Variants in CREB3L3 observed in about 807,000 individuals in gnomAD.
CREB3L3 encodes cyclic AMP-responsive element-binding protein 3-like protein 3.
A neutral mutation model predicts 44.6 loss-of-function variants in CREB3L3; 40 were observed. That is an observed-to-expected ratio of 0.90 (90% confidence interval 0.70 to 1.17). The LOEUF (loss-of-function observed/expected upper bound fraction) is 1.17, where lower values mean the gene tolerates loss of function less well. Ranked by LOEUF, CREB3L3 falls within the 50% of genes most tolerant of loss-of-function variation. The pLI is 0.00. For missense variants in CREB3L3, 578 were observed against 595.8 expected, an observed-to-expected ratio of 0.97 and a Z score of 0.31; for synonymous variants, 273 against 256.3, an observed-to-expected ratio of 1.06 and a Z score of -0.62.
At chr19:4,156,674 G>A (rs916502095) in intron 2 of CREB3L3, among the ~76,000 whole-genome samples, 8 of 150,958 alleles carry the variant, frequency 5.3e-5, no homozygotes, top group Non-Finnish European at 8.8e-5. Context: ...GCTACTTTTT[G>A]TATTTTTAGA....
intron 6 of CREB3L3, 32 bp downstream of exon 6, chr19:4,168,489 G>A (rs760385524): frequency 7.2e-6 from 11 of 1,534,982 alleles, no homozygotes; most frequent in East Asian, 4.6e-5. Flanking sequence ...CTCTACACTC[G>A]TGGAGGAAAC....
At position 4,153,675 on chromosome 19, in the gene CREB3L3, G is replaced by A. The variant is rs1339687752; in HGVS notation, c.-73G>A. 3.1e-6 allele frequency: 5 copies of A among 1,589,782 alleles called. No individual in the cohort carries two copies. Among genetic ancestry groups the A allele is most frequent in the South Asian group, 1.1e-5 (1 of 90,020 alleles). On this transcript the variant is annotated 5_prime_UTR_variant, in exon 1 of 10. Coordinates refer to ENST00000078445, the MANE Select transcript of CREB3L3 (RefSeq NM_032607.3). ...GTGAGCTTGCCCGGCCCCAGGTAAC[G>A]CTGGCGGTGGGTGGGCCTCCAGCTT... is the stretch of plus-strand genomic sequence containing the variant.
intron 3 of CREB3L3, among the ~76,000 whole-genome samples, chr19:4,159,373 A>G (rs1168578403): frequency 6.6e-6 from 1 of 151,788 alleles, no homozygotes; most frequent in Non-Finnish European, 1.5e-5. Flanking sequence ...CTGGTCTTGA[A>G]CTCCTAACCT....
Position 4,157,278 on chromosome 19 carries a change from C to G in CREB3L3, c.440C>G (p.Ser147Cys). 1 of 1,614,174 alleles carries G rather than the reference C, an allele frequency of 6.2e-7. No individual in the cohort carries two copies. Among genetic ancestry groups the G allele is most frequent in the African/African-American group, 1.3e-5 (1 of 75,068 alleles). Reference protein sequence around the residue: ...PGPVIQVPEASVTIDLEMWSP... With the variant: ...PGPVIQVPEACVTIDLEMWSP... ...CCAGTGATCCAAGTACCTGAAGCCTCTGTGACCATAGACCTGGGTGAGTCC... is the reference window on the plus strand; with the variant it reads ...CCAGTGATCCAAGTACCTGAAGCCTGTGTGACCATAGACCTGGGTGAGTCC... The change falls in exon 3 of 10, where the codon TCT becomes TGT. Residue 147 changes from serine (S) to cysteine (C), a missense_variant. Coordinates refer to ENST00000078445, the MANE Select transcript of CREB3L3 (RefSeq NM_032607.3).
intron 4 of CREB3L3, among the ~76,000 whole-genome samples, chr19:4,160,230 A>G (rs949865871): frequency 6.6e-6 from 1 of 151,776 alleles, no homozygotes; most frequent in Non-Finnish European, 1.5e-5. Flanking sequence ...CAGGAGGTCA[A>G]GGCTGCAGTG....
Position 4,172,334 on chromosome 19 carries a change from C to G in CREB3L3, c.*365C>G. ...ACCCAGACAAACAGACAGACAGACA[C>G]AGCCTGAAACAGACCCAGACAGACA... On this transcript the variant is annotated 3_prime_UTR_variant, in exon 10 of 10. Coordinates refer to ENST00000078445, the MANE Select transcript of CREB3L3 (RefSeq NM_032607.3). 7.1e-6 allele frequency: 3 copies of G among 420,956 alleles called. No individual in the cohort carries two copies. Among genetic ancestry groups the G allele is most frequent in the South Asian group, 7.0e-5 (3 of 42,630 alleles). The allele number at this position is 420,956 out of a possible 1,614,324, so 26.1% of individuals were successfully genotyped here. A position where few individuals can be genotyped will look rare whatever the true frequency, so the allele number is the denominator to read the frequency against.
chr19:4,153,877 A>T, intron 1 of CREB3L3, 103 bp downstream of exon 1: 1 of 1,296,524 alleles, frequency 7.7e-7, no homozygotes, highest in Non-Finnish European at 1.1e-6. Context: ...TATTGTACAG[A>T]TGGGAAGACT....
In CREB3L3 at chr19:4,171,584, T is replaced by C. The variant is rs953462053; in HGVS notation, c.1073-72T>C. 12 of 1,599,360 alleles carry C rather than the reference T, an allele frequency of 7.5e-6. No individual in the cohort carries two copies. Among genetic ancestry groups the C allele is most frequent in the African/African-American group, 1.3e-5 (1 of 74,710 alleles). On this transcript the variant is annotated intron_variant, in intron 9 of 9. Transcript: ENST00000078445. The surrounding 1 kb of genome is among the most constrained non-coding windows in gnomAD (Gnocchi z 4.9). ...CCCCTGTGCCCTTGTTCCCTGAGGC[T>C]GGGGGCCAGGGAAGGGAGCATAGGA...
rs747891252 is a variant in CREB3L3 at position 4,157,341 on chromosome 19, G to C, written c.457+46G>C. On this transcript the variant is annotated intron_variant, in intron 3 of 9. Transcript: ENST00000078445. The stretch of plus-strand genomic sequence containing the variant: ...GCCCACCGCCCTCACCTTGTTCCAG[G>C]GCCCTTCCTGTAAGTGAGGAAATGG... 4 of 1,602,894 alleles carry C rather than the reference G, an allele frequency of 2.5e-6. No individual in the cohort carries two copies. The South Asian group carries it at 4.4e-5, about 18-fold the overall frequency.
At chr19:4,168,558 T>G in intron 6 of CREB3L3, 101 bp downstream of exon 6, 1 of 868,946 alleles carries the variant, frequency 1.2e-6, no homozygotes. Context: ...CTGACAAAAT[T>G]GGAGGTGATT....
At chr19:4,165,534 A>G (rs563003805) in intron 5 of CREB3L3, among the ~76,000 whole-genome samples, 2 of 151,998 alleles carry the variant, frequency 1.3e-5, no homozygotes, top group East Asian at 3.9e-4. Context: ...TTGCTTGATA[A>G]TGTTTTTCTG....
intron 5 of CREB3L3, among the ~76,000 whole-genome samples, chr19:4,168,124 G>A (rs972982141): frequency 2.6e-5 from 4 of 151,244 alleles, no homozygotes; most frequent in African/African-American, 7.3e-5. Flanking sequence ...TCAGCCTCCC[G>A]AGTAGCTGGG....
intron 1 of CREB3L3, among the ~76,000 whole-genome samples, chr19:4,154,484 C>A (rs1401656425): frequency 1.3e-5 from 2 of 152,132 alleles, no homozygotes; most frequent in Non-Finnish European, 2.9e-5. Context: ...ATCCTCCTAC[C>A]TCAGCCTCCC....
intron 4 of CREB3L3, among the ~76,000 whole-genome samples, chr19:4,163,627 C>T (rs1041248907): frequency 1.3e-5 from 2 of 151,980 alleles, no homozygotes; most frequent in African/African-American, 4.8e-5. Flanking sequence ...GTTCTTCTGC[C>T]TCAGCCTCCC....
At chr19:4,170,959 T>C in intron 7 of CREB3L3, 132 bp from the exon 8 acceptor site, 1 of 487,566 alleles carries the variant, frequency 2.1e-6, no homozygotes, top group Non-Finnish European at 3.7e-6. Flanking sequence ...ATAAAATAAA[T>C]AATAAAGAGC....
intron 2 of CREB3L3, among the ~76,000 whole-genome samples, chr19:4,156,012 G>T (rs1433397498): frequency 6.6e-6 from 1 of 151,658 alleles, no homozygotes; most frequent in Non-Finnish European, 1.5e-5. Flanking sequence ...GCCTCCCAAA[G>T]TGCTGGGATT....
At chr19:4,167,162 G>A (rs1260043087) in intron 5 of CREB3L3, among the ~76,000 whole-genome samples, 1 of 151,980 alleles carries the variant, frequency 6.6e-6, no homozygotes, top group East Asian at 1.9e-4. Context: ...GGCCAACATG[G>A]TGAAACCCTG....
In CREB3L3 at chr19:4,157,180, T is replaced by G. The variant is rs911387058; in HGVS notation, c.342T>G (p.His114Gln). 12 of 1,613,924 alleles carry G rather than the reference T, an allele frequency of 7.4e-6. No individual in the cohort carries two copies. The highest frequency in any genetic ancestry group is 1.0e-5 in the Non-Finnish European group (12 of 1,179,984). The stretch of plus-strand genomic sequence containing the variant: ...CAGCCACCTCCCCCGCCGGCTGCCA[T>G]CCTGCCCAGCCTGGCAAGGGGCCCT... ...SGPATSPAGC[H>Q]PAQPGKGPCL... Residue 114 changes from histidine to glutamine, a missense_variant, in exon 3 of 10, where the codon CAT becomes CAG. By Grantham distance (24) the His-to-Gln change is conservative. Transcript: ENST00000078445.
rs350878 is a variant in CREB3L3, at chr19:4,153,859, T to C, written c.27+85T>C. On this transcript the variant is annotated intron_variant, in intron 1 of 9. Coordinates refer to ENST00000078445, the MANE Select transcript of CREB3L3 (RefSeq NM_032607.3). ...CTGCCAGAGCTGGAAGGACCCCATC[T>C]CCACCCCTATTGTACAGATGGGAAG... The C allele has an allele frequency of 0.099, 140,501 of 1,426,270 alleles. 8,454 individuals are homozygous for C. The highest frequency in any genetic ancestry group is 0.26 in the East Asian group (11,222 of 43,234). 88.4% of individuals were successfully genotyped at this position (1,426,270 alleles called of 1,614,324 possible).
Sources: gnomAD v4.1 joint callset for allele counts (sites outside exome capture counted in the v4.1 genomes callset) on GRCh38, gnomAD v4.1.1 for gene constraint, Gnocchi (gnomAD v3.1) non-coding constraint, MANE v1.5 for transcripts, NCBI Gene and HGNC (gene_info 2026-07-23, HGNC 2026-07-21) for gene names.